The following KCNQ1 variants were observed in gnomAD, a reference collection of about 807,000 sequenced individuals.
KCNQ1 encodes the protein potassium voltage-gated channel subfamily KQT member 1.
Under a neutral mutation model 72.4 loss-of-function variants are expected in KCNQ1, and 49 were observed. The ratio of observed to expected loss-of-function variants is 0.68; its 90% CI spans 0.54 to 0.86. The LOEUF is 0.86. Ranked by LOEUF, KCNQ1 falls within the 40% of genes least tolerant of loss-of-function variation. The probability of loss-of-function intolerance (pLI) is 0.00; values close to 1 mark genes in which losing one functional copy is unlikely to be tolerated. For synonymous variants in KCNQ1, 450 were observed against 412.6 expected (o/e 1.09, Z -1.10); for missense variants, 790 against 945.1 (o/e 0.84, Z 2.15).
At chr11:2,660,519 G>A in intron 10 of KCNQ1, 1 of 398,616 alleles carries the variant, frequency 2.5e-6, no homozygotes, top group Non-Finnish European at 4.4e-6. Context: ...GTTAATGTCT[G>A]TAATGTATAG....
rs776135794 is a variant in KCNQ1, at chr11:2,818,557, G to A, written c.1795-29210G>A. Among the ~76,000 whole-genome samples, 1 of 152,152 alleles carries A rather than the reference G, an allele frequency of 6.6e-6. No homozygotes were observed. The highest frequency in any genetic ancestry group is 1.5e-5 in the Non-Finnish European group (1 of 68,012). ...GCCTAGAAACCCCTCTCCACCAGAT[G>A]CCTTACACCCCCCATCCCCACACGC... On this transcript the variant is annotated intron_variant, in intron 15 of 15. Coordinates refer to ENST00000155840, the MANE Select transcript of KCNQ1 (RefSeq NM_000218.3). This position sits in a 1 kb window ranked among gnomAD's most constrained non-coding sequence, Gnocchi z 7.2.
rs975250947 is a variant in KCNQ1 at position 2,564,222 on chromosome 11, T to C, written c.478-6406T>C. Reference sequence around the variant, plus strand: ...ACACCTGTCTCCGGTTCCAGAGCTTTTTCATCACCTCAAAAGGAAAACCAT... The same window carrying C: ...ACACCTGTCTCCGGTTCCAGAGCTTCTTCATCACCTCAAAAGGAAAACCAT... On this transcript the variant is annotated intron_variant, in intron 2 of 15. Coordinates refer to ENST00000155840, the MANE Select transcript of KCNQ1 (RefSeq NM_000218.3). This position sits in a 1 kb window ranked among gnomAD's most constrained non-coding sequence, Gnocchi z 4.5. 6.6e-6 allele frequency among the ~76,000 whole-genome samples: 1 copy of C among 152,232 alleles called. No homozygotes were observed. The highest frequency in any genetic ancestry group is 2.4e-5 in the African/African-American group (1 of 41,466).
rs1392388463 is a variant in KCNQ1, at chr11:2,663,027, G to A, written c.1514+946G>A. 1.5e-5 allele frequency: 6 copies of A among 398,680 alleles called. No individual in the cohort carries two copies. The highest frequency in any genetic ancestry group is 8.8e-6 in the Non-Finnish European group (2 of 226,172). 24.7% of individuals were successfully genotyped at this position (398,680 alleles called of 1,614,324 possible). On this transcript the variant is annotated intron_variant, in intron 11 of 15. Transcript: ENST00000155840. This position sits in a 1 kb window ranked among gnomAD's most constrained non-coding sequence, Gnocchi z 5.2. ...ATCACTGAGGAAATCGGGACCCATG[G>A]TGCTGGGGGCTGCAGGTGTAACCAG... is the stretch of plus-strand genomic sequence containing the variant.
intron 15 of KCNQ1, among the ~76,000 whole-genome samples, chr11:2,834,965 G>A (rs234863): frequency 0.97 from 147,195 of 152,230 alleles, 71,367 homozygotes; most frequent in East Asian, 1. Flanking sequence ...CCCAGCCCAG[G>A]GCCCCCAGGC....
chr11:2,483,471 G>T lies in KCNQ1; in HGVS notation c.386+37987G>T, dbSNP rs1038246271. ...CAACTGCAGATCTGATTCAAATCCCGCGTTTTTCTAGCATCCGGTTTCTGT... is the reference window on the plus strand; with the variant it reads ...CAACTGCAGATCTGATTCAAATCCCTCGTTTTTCTAGCATCCGGTTTCTGT... On this transcript the variant is annotated intron_variant, in intron 1 of 15. Transcript: ENST00000155840. This position sits in a 1 kb window ranked among gnomAD's most constrained non-coding sequence, Gnocchi z 6.1. Among the ~76,000 whole-genome samples the T allele has an allele frequency of 6.6e-6, 1 of 152,024 alleles. No homozygotes were observed. Among genetic ancestry groups the T allele is most frequent in the African/African-American group, 2.4e-5 (1 of 41,380 alleles).
At chr11:2,708,345 T>C (rs1850946174) in intron 11 of KCNQ1, among the ~76,000 whole-genome samples, 1 of 152,176 alleles carries the variant, frequency 6.6e-6, no homozygotes, top group Non-Finnish European at 1.5e-5. Flanking sequence ...AAGCAGTGAA[T>C]TGGGAGCTCA....
intron 6 of KCNQ1, among the ~76,000 whole-genome samples, chr11:2,578,414 G>A (rs2133742425): frequency 6.6e-6 from 1 of 152,342 alleles, no homozygotes; most frequent in African/African-American, 2.4e-5. Context: ...ACATCCCCTG[G>A]AACCACTGAG....
At position 2,776,997 on chromosome 11, in the gene KCNQ1, C is replaced by T. The variant is rs199472804; in HGVS notation, c.1697C>T (p.Ser566Phe). ...IKELQRRLDQ[S>F]IGKPSLFISV... is the part of the protein sequence containing the mutation. ...GTCCTTCTCTCCAGGCTGGACCAGT[C>T]CATTGGGAAGCCCTCACTGTTCATC... Residue 566 changes from serine to phenylalanine, a missense_variant, in exon 14 of 16, where the codon TCC becomes TTC. Ser to Phe is a radical substitution (Grantham distance 155, BLOSUM62 -2). Around this residue, in one of 5 missense-constraint regions of KCNQ1, gnomAD observed 91 missense variants for 139.1 expected, o/e 0.65. Transcript: ENST00000155840. The T allele has an allele frequency of 7.4e-6, 12 of 1,614,096 alleles. No homozygotes were observed. Among genetic ancestry groups the T allele is most frequent in the Non-Finnish European group, 1.0e-5 (12 of 1,179,990 alleles).
chr11:2,707,010 C>T (rs1206265612), intron 11 of KCNQ1, among the ~76,000 whole-genome samples: 1 of 152,136 alleles, frequency 6.6e-6, no homozygotes, highest in Non-Finnish European at 1.5e-5. Flanking sequence ...CAAGAGAACA[C>T]CAAATCCATT....
Position 2,612,472 on chromosome 11 carries a change from A to G in KCNQ1, c.1393+23618A>G, listed in dbSNP as rs1848997263. 7.5e-6 allele frequency: 3 copies of G among 398,420 alleles called. No individual in the cohort carries two copies. Among genetic ancestry groups the G allele is most frequent in the Non-Finnish European group, 1.3e-5 (3 of 226,058 alleles). 24.7% of individuals were successfully genotyped at this position (398,420 alleles called of 1,614,324 possible). A position where few individuals can be genotyped will look rare whatever the true frequency, so the allele number is the denominator to read the frequency against. Reference sequence around the variant, plus strand: ...CTATTCTTCAGTCTGAATCATCTTTATGGATCTGCGTTGAAGTTCATTGAT... The same window carrying G: ...CTATTCTTCAGTCTGAATCATCTTTGTGGATCTGCGTTGAAGTTCATTGAT... On this transcript the variant is annotated intron_variant, in intron 10 of 15. Coordinates refer to ENST00000155840, the MANE Select transcript of KCNQ1 (RefSeq NM_000218.3). This position sits in a 1 kb window ranked among gnomAD's most constrained non-coding sequence, Gnocchi z 5.5.
chr11:2,452,735 G>A (rs576910033), intron 1 of KCNQ1, among the ~76,000 whole-genome samples: 139 of 152,364 alleles, frequency 9.1e-4, no homozygotes, highest in African/African-American at 3.1e-3. Context: ...AAAACAGCAT[G>A]ACATTGCCTT....
Position 2,657,920 on chromosome 11 carries a change from C to T in KCNQ1, c.1394-4041C>T. 1 of 398,578 alleles carries T rather than the reference C, an allele frequency of 2.5e-6. No homozygotes were observed. The highest frequency in any genetic ancestry group is 4.4e-6 in the Non-Finnish European group (1 of 226,054). 24.7% of individuals were successfully genotyped at this position (398,578 alleles called of 1,614,324 possible). A position where few individuals can be genotyped will look rare whatever the true frequency, so the allele number is the denominator to read the frequency against. On this transcript the variant is annotated intron_variant, in intron 10 of 15. Coordinates refer to ENST00000155840, the MANE Select transcript of KCNQ1 (RefSeq NM_000218.3). The surrounding 1 kb of genome is among the most constrained non-coding windows in gnomAD (Gnocchi z 4.8). ...TCCTCATTGTGGAACATGACATCAA[C>T]ATGGTTTATCACTGGTAATATTAAC...
At position 2,769,719 on chromosome 11, in the gene KCNQ1, G is replaced by T. The variant is rs117255026; in HGVS notation, c.1590+800G>T. Among the ~76,000 whole-genome samples, 5 of 152,190 alleles carry T rather than the reference G, an allele frequency of 3.3e-5. No homozygotes were observed. Among genetic ancestry groups the T allele is most frequent in the Non-Finnish European group, 7.3e-5 (5 of 68,038 alleles). ...CCAGAAGGCAAAAATCACAAAGCAGGGAAGGCTGGGGGGTGACTTGCCTGA... is the reference window on the plus strand; with the variant it reads ...CCAGAAGGCAAAAATCACAAAGCAGTGAAGGCTGGGGGGTGACTTGCCTGA... On this transcript the variant is annotated intron_variant, in intron 12 of 15. Coordinates refer to ENST00000155840, the MANE Select transcript of KCNQ1 (RefSeq NM_000218.3). The surrounding 1 kb of genome is among the most constrained non-coding windows in gnomAD (Gnocchi z 4.6).
intron 10 of KCNQ1, chr11:2,629,645 G>C (rs1000857938): frequency 1.5e-5 from 6 of 398,354 alleles, no homozygotes; most frequent in Non-Finnish European, 2.7e-5. Context: ...GTTCATATAT[G>C]AAAGGATTTA....
In KCNQ1 at chr11:2,549,357, C is replaced by G. The variant is rs1316894369; in HGVS notation, c.478-21271C>G. 1.3e-5 allele frequency among the ~76,000 whole-genome samples: 2 copies of G among 152,010 alleles called. No homozygotes were observed. The highest frequency in any genetic ancestry group is 1.3e-4 in the Admixed American group (2 of 15,272). On this transcript the variant is annotated intron_variant, in intron 2 of 15. Transcript: ENST00000155840. This position sits in a 1 kb window ranked among gnomAD's most constrained non-coding sequence, Gnocchi z 6.2. ...GGTCCAGGCACCTGGGGCGACCCTC[C>G]TTGGCCGTCCTTGCCATCCTCGCCA...
At position 2,825,765 on chromosome 11, in the gene KCNQ1, G is replaced by A. The variant is rs148641451; in HGVS notation, c.1795-22002G>A. Among the ~76,000 whole-genome samples the A allele has an allele frequency of 1.2e-4, 19 of 152,330 alleles. No homozygotes were observed. The East Asian group carries it at 2.3e-3, about 19-fold the overall frequency. On this transcript the variant is annotated intron_variant, in intron 15 of 15. Transcript: ENST00000155840. ...GTCATTCACACTTCAGTATGAATGA[G>A]TCTCCGGGTACTTTGCTCAGTAACG...
Position 2,809,859 on chromosome 11 carries a change from T to C in KCNQ1, c.1794+31822T>C, listed in dbSNP as rs780875278. Among the ~76,000 whole-genome samples the C allele has an allele frequency of 3.3e-5, 5 of 152,064 alleles. No individual in the cohort carries two copies. The South Asian group carries it at 6.2e-4, about 19-fold the overall frequency. On this transcript the variant is annotated intron_variant, in intron 15 of 15. Transcript: ENST00000155840. The surrounding 1 kb of genome is among the most constrained non-coding windows in gnomAD (Gnocchi z 7.1). ...CCTTGCATAATTCTGCAACTGACCT[T>C]TTTTCTGGCCATCCTAGATTGGGTT...
chr11:2,697,683 T>C (rs1478425994), intron 11 of KCNQ1: 1 of 398,534 alleles, frequency 2.5e-6, no homozygotes, highest in Non-Finnish European at 4.4e-6. Flanking sequence ...ATAAAGTTTC[T>C]GATATTGGAT....
chr11:2,839,268 G>T (rs1028321506), intron 15 of KCNQ1, among the ~76,000 whole-genome samples: 1 of 152,172 alleles, frequency 6.6e-6, no homozygotes, highest in Non-Finnish European at 1.5e-5. Context: ...AGGGCAAAGG[G>T]GCTCCAGTGC....
Sources: allele counts gnomAD v4.1 joint callset (sites outside exome capture counted in the v4.1 genomes callset), GRCh38; gene constraint gnomAD v4.1.1; regional missense constraint gnomAD v4.1.1; non-coding constraint Gnocchi (gnomAD v3.1); transcripts MANE v1.5; gene names NCBI Gene and HGNC (gene_info 2026-07-23, HGNC 2026-07-21).